The following FAF2 variants were observed in gnomAD, a reference collection of about 807,000 sequenced individuals.
FAF2 encodes Fas associated factor family member 2, also known as FAS-associated factor 2.
In FAF2, 9 loss-of-function variants were observed where a neutral mutation model predicts 62.3. The observed-to-expected ratio is 0.14, with a 90% CI of 0.09 to 0.25. The LOEUF (loss-of-function observed/expected upper bound fraction) is 0.25. Among genes scored for constraint, FAF2 ranks in the 10% least tolerant of loss-of-function variants. The pLI is 1.00. For missense variants in FAF2, 368 were observed against 556.2 expected (o/e 0.66, Z 3.40); for synonymous variants, 202 against 198.0 (o/e 1.02, Z -0.17).
At position 176,508,384 on chromosome 5, in the gene FAF2, T is replaced by C. The variant is rs953029226; in HGVS notation, c.*1434T>C. The C allele has an allele frequency of 2.0e-5, 3 of 149,822 alleles. No individual in the cohort carries two copies. Among genetic ancestry groups the C allele is most frequent in the Non-Finnish European group, 4.4e-5 (3 of 67,506 alleles). The allele number at this position is 149,822 out of a possible 1,614,324, so 9.3% of individuals were successfully genotyped here. The stretch of plus-strand genomic sequence containing the variant: ...GACGTTACTGTAGTTCCTAGAATGC[T>C]GTGAGGGCGGGGGGTTCAGATCAAC... On this transcript the variant is annotated 3_prime_UTR_variant, in exon 11 of 11. Transcript: ENST00000261942.
intron 1 of FAF2, among the ~76,000 whole-genome samples, chr5:176,450,828 G>A (rs544266086): frequency 2.6e-5 from 4 of 152,218 alleles, no homozygotes; most frequent in African/African-American, 4.8e-5. Flanking sequence ...GGCGTGAGCC[G>A]CCGCGCCCGG....
At position 176,507,038 on chromosome 5, in the gene FAF2, A is replaced by C; in HGVS notation, c.*88A>C. ...AACAGCAAGTCAGAAAAAAAAAACA[A>C]GAGAGAGAAATTCATATTATTATTA... is the stretch of plus-strand genomic sequence containing the variant. On this transcript the variant is annotated 3_prime_UTR_variant, in exon 11 of 11. Transcript: ENST00000261942. The C allele has an allele frequency of 1.1e-6, 1 of 871,766 alleles. No homozygotes were observed. The highest frequency in any genetic ancestry group is 1.6e-6 in the Non-Finnish European group (1 of 629,652). The allele number at this position is 871,766 out of a possible 1,614,324, so 54.0% of individuals were successfully genotyped here.
chr5:176,462,833 G>A (rs976432370), intron 1 of FAF2, among the ~76,000 whole-genome samples: 2 of 152,130 alleles, frequency 1.3e-5, no homozygotes, highest in Non-Finnish European at 2.9e-5. Context: ...GAATTTGTCA[G>A]CCTAGAAGGG....
chr5:176,508,042 A>T lies in FAF2; in HGVS notation c.*1092A>T, dbSNP rs139722793. 6.6e-6 allele frequency: 1 copy of T among 152,538 alleles called. No homozygotes were observed. The highest frequency in any genetic ancestry group is 6.6e-5 in the Admixed American group (1 of 15,262). The allele number at this position is 152,538 out of a possible 1,614,324, so 9.4% of individuals were successfully genotyped here. The stretch of plus-strand genomic sequence containing the variant: ...GCCCTGCCTGTCTCAGTGGAAGTGT[A>T]TTATTGTTTTAAGGATAGAACCAGA... On this transcript the variant is annotated 3_prime_UTR_variant, in exon 11 of 11. Transcript: ENST00000261942.
At chr5:176,470,017 A>C (rs1049071411) in intron 1 of FAF2, among the ~76,000 whole-genome samples, 1 of 152,212 alleles carries the variant, frequency 6.6e-6, no homozygotes, top group African/African-American at 2.4e-5. Context: ...AAACACCAGA[A>C]GATTCCTGTA....
At chr5:176,468,788 A>AC (rs565911712) in intron 1 of FAF2, among the ~76,000 whole-genome samples, 75 of 151,112 alleles carry the variant, frequency 5.0e-4, no homozygotes, top group African/African-American at 1.8e-3. Context: ...AAAAAAACAA[A>AC]AAAAAAAAAG....
intron 1 of FAF2, among the ~76,000 whole-genome samples, chr5:176,454,598 A>G (rs1397727958): frequency 2.0e-5 from 2 of 99,144 alleles, no homozygotes; most frequent in Non-Finnish European, 4.5e-5. Context: ...AAAAAAAAAA[A>G]AAAAAAAAAA....
intron 1 of FAF2, among the ~76,000 whole-genome samples, chr5:176,448,754 C>T (rs951595369): frequency 6.6e-6 from 1 of 152,180 alleles, no homozygotes. Context: ...CTCAGCCATC[C>T]TTCCCAGCCC....
At chr5:176,479,342 T>C (rs555297056) in intron 2 of FAF2, 86 bp downstream of exon 2, 283 of 1,057,768 alleles carry the variant, frequency 2.7e-4, no homozygotes, top group Non-Finnish European at 3.7e-4. Flanking sequence ...AGCAGGAATC[T>C]TTTCAGTAGA....
intron 1 of FAF2, among the ~76,000 whole-genome samples, chr5:176,466,477 T>C (rs1039910692): frequency 2.0e-5 from 3 of 152,214 alleles, no homozygotes; most frequent in African/African-American, 7.2e-5. Context: ...CGTTTGTTAG[T>C]ATAAACAGAT....
chr5:176,464,927 G>GC (rs1160881466), intron 1 of FAF2, among the ~76,000 whole-genome samples: 1 of 151,888 alleles, frequency 6.6e-6, no homozygotes, highest in African/African-American at 2.4e-5. Context: ...TCGCTGTATC[G>GC]CCCCGGCTAG....
chr5:176,496,521 C>T lies in FAF2; in HGVS notation c.697C>T (p.Leu233=), dbSNP rs1226742006. The T allele has an allele frequency of 1.2e-6, 2 of 1,609,170 alleles. No homozygotes were observed. The highest frequency in any genetic ancestry group is 1.1e-5 in the South Asian group (1 of 90,556). The part of the protein sequence containing the change: ...QALRENTYPF[L]AMIMLKDRRM... Reference sequence around the variant, plus strand: ...TTTACGAGAGAACACCTATCCATTCCTGGCCATGATTATGCTGAAGGATCG... The same window carrying T: ...TTTACGAGAGAACACCTATCCATTCTTGGCCATGATTATGCTGAAGGATCG... The change falls in exon 8 of 11, where the codon CTG becomes TTG. Residue 233 remains leucine, a synonymous_variant. Transcript: ENST00000261942.
chr5:176,486,558 C>T (rs1758878769), intron 3 of FAF2, 69 bp downstream of exon 3: 1 of 1,477,686 alleles, frequency 6.8e-7, no homozygotes, highest in African/African-American at 1.4e-5. Context: ...TTATATTGAT[C>T]TCCCTGTGAC....
chr5:176,490,236 G>T (rs62402535), intron 4 of FAF2, among the ~76,000 whole-genome samples: 11,729 of 151,838 alleles, frequency 0.077, 630 homozygotes, highest in Non-Finnish European at 0.12. Context: ...GCGTGAACCC[G>T]GGAGGCGGAG....
rs771032134 is a variant in FAF2 at position 176,492,251 on chromosome 5, G to A, written c.402G>A (p.Gly134=). The A allele has an allele frequency of 2.5e-6, 4 of 1,613,976 alleles. No homozygotes were observed. The African/African-American group carries it at 5.3e-5, about 22-fold the overall frequency. ...DPRSRVTDPV[G]DIVSFMHSFE... The stretch of plus-strand genomic sequence containing the variant: ...GCAGCCGGGTCACTGACCCCGTTGG[G>A]GACATTGTTTCATTTATGCACTCTT... Residue 134 remains glycine (G), a synonymous_variant, in exon 5 of 11, where the codon GGG becomes GGA. Coordinates refer to ENST00000261942, the MANE Select transcript of FAF2 (RefSeq NM_014613.3).
At chr5:176,505,104 A>C (rs1561830162) in intron 10 of FAF2, among the ~76,000 whole-genome samples, 1 of 152,170 alleles carries the variant, frequency 6.6e-6, no homozygotes, top group African/African-American at 2.4e-5. Context: ...TATAAAACCC[A>C]GAGAATTCAT....
In FAF2 at chr5:176,448,423, G is replaced by A. The variant is rs1485168165; in HGVS notation, c.16G>A (p.Glu6Lys). 3.1e-6 allele frequency: 5 copies of A among 1,607,368 alleles called. No homozygotes were observed. The African/African-American group carries it at 4.0e-5, about 13-fold the overall frequency. The change falls in exon 1 of 11, where the codon GAG (glutamate) becomes AAG (lysine). Residue 6 changes from glutamate to lysine, a missense_variant. Physicochemically the swap from Glu to Lys is moderately conservative, Grantham distance 56 (BLOSUM62 1). Transcript: ENST00000261942. ...CGGCGGCAAAATGGCGGCGCCTGAG[G>A]AGCGGGATCTAACCCAGGAGCAGAC... MAAPE[E>K]RDLTQEQTEK... is the part of the protein sequence containing the mutation.
At chr5:176,461,518 G>A (rs1337524899) in intron 1 of FAF2, among the ~76,000 whole-genome samples, 1 of 151,264 alleles carries the variant, frequency 6.6e-6, no homozygotes, top group African/African-American at 2.4e-5. Flanking sequence ...TTTAGAGATA[G>A]GGTCTTGCTG....
At chr5:176,504,715 G>T (rs1581078309) in intron 10 of FAF2, among the ~76,000 whole-genome samples, 1 of 152,142 alleles carries the variant, frequency 6.6e-6, no homozygotes, top group East Asian at 1.9e-4. Flanking sequence ...CTGAAAACGA[G>T]TTAGGTTGAT....
Sources: allele counts gnomAD v4.1 joint callset (sites outside exome capture counted in the v4.1 genomes callset), GRCh38; gene constraint gnomAD v4.1.1; transcripts MANE v1.5; gene names NCBI Gene and HGNC (gene_info 2026-07-23, HGNC 2026-07-21).